Variants in TPRG1 observed in about 807,000 individuals in gnomAD.
TPRG1 encodes the protein tumor protein p63-regulated gene 1 protein.
TPRG1 carries 29 observed loss-of-function variants against 29.3 expected under a neutral mutation model. That is an observed-to-expected ratio of 0.99 (90% CI 0.74 to 1.35). The LOEUF is 1.35. TPRG1 is among the 40% of genes most tolerant of loss of function. The probability of loss-of-function intolerance (pLI) is 0.00; values close to 1 mark genes in which losing one functional copy is unlikely to be tolerated. For missense variants in TPRG1, 327 were observed against 335.0 expected (o/e 0.98, Z 0.19); for synonymous variants, 130 against 116.8 (o/e 1.11, Z -0.73).
chr3:189,191,751 C>A (rs1560533128), intron 1 of TPRG1, among the ~76,000 whole-genome samples: 1 of 152,160 alleles, frequency 6.6e-6, no homozygotes, highest in Non-Finnish European at 1.5e-5. Flanking sequence ...CCTGGGCTCT[C>A]CTTCCTGGTC....
chr3:189,175,669 A>G (rs1729392812), intron 1 of TPRG1, among the ~76,000 whole-genome samples: 1 of 152,260 alleles, frequency 6.6e-6, no homozygotes, highest in African/African-American at 2.4e-5. Flanking sequence ...ACTTACATGA[A>G]TACAATACAC....
At chr3:189,224,278 C>A (rs190070883) in intron 3 of TPRG1, among the ~76,000 whole-genome samples, 2 of 152,168 alleles carry the variant, frequency 1.3e-5, no homozygotes, top group East Asian at 3.9e-4. Flanking sequence ...GTCAAGAGAT[C>A]GAGACCATCC....
chr3:189,104,916 A>T (rs973071096), intron 1 of TPRG1, among the ~76,000 whole-genome samples: 1 of 152,098 alleles, frequency 6.6e-6, no homozygotes, highest in Non-Finnish European at 1.5e-5. Flanking sequence ...AGCTTTGAAA[A>T]ATCATAATTC....
At chr3:189,031,303 G>A (rs2687312) in intron 4 of TPRG1, among the ~76,000 whole-genome samples, 281 of 8,184 alleles carry the variant, frequency 0.034, 1 homozygote, top group African/African-American at 0.046. Context: ...AAAAAAAAAA[G>A]AAAAATTAAA....
At chr3:189,189,517 T>A (rs1033941568) in intron 1 of TPRG1, among the ~76,000 whole-genome samples, 1 of 152,058 alleles carries the variant, frequency 6.6e-6, no homozygotes, top group African/African-American at 2.4e-5. Flanking sequence ...TGGGAGATGA[T>A]GAGTAAAAAA....
chr3:189,234,804 A>C (rs1275213727), intron 3 of TPRG1, among the ~76,000 whole-genome samples: 1 of 152,230 alleles, frequency 6.6e-6, no homozygotes, highest in Non-Finnish European at 1.5e-5. Context: ...AGAAATAACT[A>C]TACAATAGCA....
At chr3:189,167,044 C>T (rs1435403273), upstream of TPRG1, among the ~76,000 whole-genome samples, 1 of 152,176 alleles carries the variant, frequency 6.6e-6, no homozygotes, top group Admixed American at 6.5e-5. Flanking sequence ...GGCCTCAGCC[C>T]ATTCTCTAAT....
chr3:189,021,324 T>A (rs1455300635), intron 3 of TPRG1, among the ~76,000 whole-genome samples: 1 of 151,826 alleles, frequency 6.6e-6, no homozygotes, highest in African/African-American at 2.4e-5. Context: ...TTCTTCCTAG[T>A]CTCGATGGTC....
At chr3:189,167,248 C>T (rs1256989990), upstream of TPRG1, among the ~76,000 whole-genome samples, 1 of 152,070 alleles carries the variant, frequency 6.6e-6, no homozygotes, top group Non-Finnish European at 1.5e-5. Flanking sequence ...TGAGCCACAC[C>T]CCAGGTATGA....
chr3:189,309,346 A>G (rs1192360838), intron 4 of TPRG1, among the ~76,000 whole-genome samples: 1 of 152,222 alleles, frequency 6.6e-6, no homozygotes, highest in Non-Finnish European at 1.5e-5. Flanking sequence ...TCCTTAATAC[A>G]GGAAGTGACA....
chr3:189,299,626 ATTT>A (rs60136863), intron 4 of TPRG1, among the ~76,000 whole-genome samples: 6 of 135,662 alleles, frequency 4.4e-5, no homozygotes, highest in Admixed American at 7.4e-5. Context: ...TGAGTTGTGT[ATTT>A]TTTTTTTTTT....
intron 4 of TPRG1, among the ~76,000 whole-genome samples, chr3:189,040,216 T>A (rs59641137): frequency 6.6e-6 from 1 of 152,198 alleles, no homozygotes; most frequent in Admixed American, 6.6e-5. Flanking sequence ...AAGAAACGAA[T>A]TTTAATGAAA....
chr3:189,277,483 G>GA (rs752104504), intron 4 of TPRG1, among the ~76,000 whole-genome samples: 58 of 151,870 alleles, frequency 3.8e-4, no homozygotes, highest in Non-Finnish European at 6.3e-4. Flanking sequence ...TATGCTATTA[G>GA]AAAAAAGCTT....
At chr3:189,140,133 G>T (rs1724347135) in intron 3 of TPRG1, among the ~76,000 whole-genome samples, 1 of 152,174 alleles carries the variant, frequency 6.6e-6, no homozygotes, top group African/African-American at 2.4e-5. Flanking sequence ...GGAGGACAAA[G>T]GAAAGAAGGT....
intron 1 of TPRG1, among the ~76,000 whole-genome samples, chr3:189,107,572 T>G (rs1039687538): frequency 6.6e-6 from 1 of 152,178 alleles, no homozygotes; most frequent in South Asian, 2.1e-4. Flanking sequence ...TTAGCCTTTT[T>G]GTTTTCCTAT....
At chr3:189,221,854 T>A (rs1353187416) in intron 3 of TPRG1, among the ~76,000 whole-genome samples, 1 of 152,194 alleles carries the variant, frequency 6.6e-6, no homozygotes. Flanking sequence ...AACCTAGAGA[T>A]TAAATGACCT....
At chr3:189,177,669 A>G (rs1039944322) in intron 1 of TPRG1, among the ~76,000 whole-genome samples, 3 of 151,978 alleles carry the variant, frequency 2.0e-5, no homozygotes, top group African/African-American at 7.3e-5. Context: ...CAGTGAACCC[A>G]GTCAGTGGTG....
At chr3:189,287,294 T>C (rs1718216394) in intron 4 of TPRG1, among the ~76,000 whole-genome samples, 1 of 152,102 alleles carries the variant, frequency 6.6e-6, no homozygotes, top group Non-Finnish European at 1.5e-5. Context: ...TGTTGCACGG[T>C]CATCTCTAGG....
intron 5 of TPRG1, among the ~76,000 whole-genome samples, chr3:189,316,058 T>C (rs1255117476): frequency 1.3e-5 from 2 of 152,186 alleles, no homozygotes; most frequent in Admixed American, 6.5e-5. Flanking sequence ...GTATACAAAA[T>C]GTTCTCCGAT....
Sources: allele counts gnomAD v4.1 joint callset (sites outside exome capture counted in the v4.1 genomes callset), GRCh38; gene constraint gnomAD v4.1.1; transcripts MANE v1.5; gene names NCBI Gene and HGNC (gene_info 2026-07-23, HGNC 2026-07-21).